PRRC2C: variants seen among roughly 807,000 people sequenced by gnomAD.
PRRC2C encodes the protein protein PRRC2C.
Under a neutral mutation model 317.2 loss-of-function variants are expected in PRRC2C, and 72 were observed. The ratio of observed to expected loss-of-function variants is 0.23; its 90% CI spans 0.19 to 0.28. PRRC2C has a LOEUF of 0.28. Ranked by LOEUF, PRRC2C falls within the 10% of genes least tolerant of loss-of-function variation. PRRC2C has a pLI of 1.00. For synonymous variants in PRRC2C, 1,296 were observed against 1,205.9 expected (o/e 1.07, Z -1.55); for missense variants, 3,074 against 3,459.7 (o/e 0.89, Z 2.80).
rs1650245114 is a variant in PRRC2C at position 171,587,214 on chromosome 1, C to G, written c.7961C>G (p.Thr2654Arg). Reference protein sequence around the residue: ...AGTQHSMIATTGKMSEMELKA... With the variant: ...AGTQHSMIATRGKMSEMELKA... The stretch of plus-strand genomic sequence containing the variant: ...ACACAGCATAGCATGATTGCAACCA[C>G]AGGAAAAGTAAGTAAAGAGACATTT... The change falls in exon 31 of 35, where the codon ACA becomes AGA. Residue 2654 changes from threonine (T) to arginine (R), a missense_variant. Physicochemically the swap from Thr to Arg is moderately conservative, Grantham distance 71. This residue lies in a region of PRRC2C where 490 missense variants were observed against 663.1 expected (regional missense o/e 0.74). Coordinates refer to ENST00000647382, the MANE Select transcript of PRRC2C (RefSeq NM_001387844.1). 6.3e-7 allele frequency: 1 copy of G among 1,597,584 alleles called. No homozygotes were observed. The highest frequency in any genetic ancestry group is 8.5e-7 in the Non-Finnish European group (1 of 1,171,504).
intron 1 of PRRC2C, among the ~76,000 whole-genome samples, chr1:171,508,925 C>A (rs546784017): frequency 6.6e-6 from 1 of 151,514 alleles, no homozygotes; most frequent in Non-Finnish European, 1.5e-5. Flanking sequence ...CTTGCTCTGT[C>A]GCCCAGGCTG....
At chr1:171,577,761 T>A in intron 26 of PRRC2C, 124 bp downstream of exon 26, 1 of 696,136 alleles carries the variant, frequency 1.4e-6, no homozygotes, top group Non-Finnish European at 2.2e-6. Flanking sequence ...CTGTAAATAT[T>A]TAAATTCGCA....
chr1:171,564,641 AC>A (rs1428041029), intron 20 of PRRC2C, among the ~76,000 whole-genome samples: 1 of 152,206 alleles, frequency 6.6e-6, no homozygotes, highest in Non-Finnish European at 1.5e-5. Flanking sequence ...ACTTACACAA[AC>A]CTAGATGGTA....
At chr1:171,570,210 T>G (rs1684514243) in intron 23 of PRRC2C, among the ~76,000 whole-genome samples, 1 of 152,198 alleles carries the variant, frequency 6.6e-6, no homozygotes, top group Non-Finnish European at 1.5e-5. Flanking sequence ...CGAATGTCCT[T>G]CATGGGAAAA....
At chr1:171,589,251 C>A in intron 33 of PRRC2C, 118 bp from the exon 34 acceptor site, 1 of 437,742 alleles carries the variant, frequency 2.3e-6, no homozygotes, top group Non-Finnish European at 3.9e-6. Context: ...CACTTCCTTT[C>A]ACTGGTAGGA....
intron 13 of PRRC2C, 54 bp from the exon 14 acceptor site, chr1:171,535,975 G>A (rs2102454134): frequency 6.5e-7 from 1 of 1,537,034 alleles, no homozygotes; most frequent in Non-Finnish European, 8.8e-7. Context: ...GATTGATTAT[G>A]TTAATTTGTC....
At chr1:171,561,342 A>T (rs1158679408) in intron 20 of PRRC2C, among the ~76,000 whole-genome samples, 2 of 152,048 alleles carry the variant, frequency 1.3e-5, no homozygotes, top group Non-Finnish European at 2.9e-5. Flanking sequence ...AGTCTCAGCT[A>T]CTCTGGAGCT....
chr1:171,552,756 G>A (rs1280989292), intron 18 of PRRC2C, among the ~76,000 whole-genome samples: 1 of 152,014 alleles, frequency 6.6e-6, no homozygotes, highest in African/African-American at 2.4e-5. Flanking sequence ...TTTATGTGAT[G>A]GATAATGTTT....
intron 25 of PRRC2C, among the ~76,000 whole-genome samples, chr1:171,577,072 C>A (rs1685819230): frequency 6.6e-6 from 1 of 152,132 alleles, no homozygotes; most frequent in Non-Finnish European, 1.5e-5. Context: ...TATCTGTGGT[C>A]ATAAGTGAAT....
chr1:171,541,833 C>T lies in PRRC2C; in HGVS notation c.4367C>T (p.Ala1456Val), dbSNP rs375847876. 3.1e-6 allele frequency: 5 copies of T among 1,613,842 alleles called. No homozygotes were observed. Among genetic ancestry groups the T allele is most frequent in the South Asian group, 1.1e-5 (1 of 91,072 alleles). Residue 1456 changes from alanine to valine, a missense_variant, in exon 16 of 35, where the codon GCA becomes GTA. Ala to Val is a moderately conservative substitution (Grantham distance 64). Transcript: ENST00000647382. The surrounding 1 kb of genome is among the most constrained non-coding windows in gnomAD (Gnocchi z 4.1). ...GCTTCAAAATCAAATGAGGTGGTAG[C>T]AGTGCCCACAAATGGCACAGTTAAT... ...EAASKSNEVV[A>V]VPTNGTVNNV...
At chr1:171,494,944 T>G (rs1375313484) in intron 1 of PRRC2C, among the ~76,000 whole-genome samples, 1 of 152,216 alleles carries the variant, frequency 6.6e-6, no homozygotes, top group Non-Finnish European at 1.5e-5. Context: ...ATTTTGTGCT[T>G]TAGCAAAATT....
intron 34 of PRRC2C, 109 bp downstream of exon 34, chr1:171,589,714 C>A: frequency 1.5e-6 from 1 of 677,172 alleles, no homozygotes; most frequent in Non-Finnish European, 2.1e-6. Context: ...TCTTAGCAGA[C>A]TTAACCAAGC....
Position 171,524,919 on chromosome 1 carries a change from C to T in PRRC2C, c.1154C>T (p.Pro385Leu). 1 of 1,611,362 alleles carries T rather than the reference C, an allele frequency of 6.2e-7. No homozygotes were observed. Among genetic ancestry groups the T allele is most frequent in the Non-Finnish European group, 8.5e-7 (1 of 1,178,524 alleles). ...TCATCTTCCCAAATACCTGCCCAACCATCAGTAGCAAAAGTTCCCTATGGG... is the reference window on the plus strand; with the variant it reads ...TCATCTTCCCAAATACCTGCCCAACTATCAGTAGCAAAAGTTCCCTATGGG... ...TKSSSQIPAQ[P>L]SVAKVPYGKG... The change falls in exon 10 of 35, where the codon CCA (proline) becomes CTA (leucine). Residue 385 changes from proline (P) to leucine (L), a missense_variant. By Grantham distance (98) the Pro-to-Leu change is moderately conservative (BLOSUM62 -3). Around this residue, in one of 11 missense-constraint regions of PRRC2C, gnomAD observed 1,320 missense variants for 1,395.7 expected, o/e 0.95. Transcript: ENST00000647382.
intron 12 of PRRC2C, among the ~76,000 whole-genome samples, chr1:171,533,258 A>G (rs1052697216): frequency 6.6e-6 from 1 of 152,166 alleles, no homozygotes; most frequent in African/African-American, 2.4e-5. Flanking sequence ...TGACTCCAAG[A>G]CATTTAACTA....
rs142439552 is a variant in PRRC2C at position 171,516,538 on chromosome 1, G to A, written c.526+679G>A. ...TTTCAAGCGTCATAATGTGGTTGGTGCATTTGTATTAGAAATAGATGTGCT... is the reference window on the plus strand; with the variant it reads ...TTTCAAGCGTCATAATGTGGTTGGTACATTTGTATTAGAAATAGATGTGCT... On this transcript the variant is annotated intron_variant, in intron 5 of 34. Transcript: ENST00000647382. 3.2e-4 allele frequency among the ~76,000 whole-genome samples: 48 copies of A among 152,272 alleles called. No homozygotes were observed. The East Asian group carries it at 6.2e-3, about 20-fold the overall frequency.
chr1:171,586,622 C>T (rs1302541827), intron 30 of PRRC2C, among the ~76,000 whole-genome samples: 1 of 146,626 alleles, frequency 6.8e-6, no homozygotes, highest in Non-Finnish European at 1.5e-5. Context: ...CGCTCTGTCG[C>T]CAGGCTGGAG....
At chr1:171,526,521 A>G (rs1399669614) in intron 10 of PRRC2C, among the ~76,000 whole-genome samples, 2 of 152,094 alleles carry the variant, frequency 1.3e-5, no homozygotes, top group African/African-American at 4.8e-5. Flanking sequence ...TATTTTTAAT[A>G]GGGCTGGGGT....
chr1:171,515,712 G>A, intron 4 of PRRC2C, 22 bp from the exon 5 acceptor site: 1 of 1,555,234 alleles, frequency 6.4e-7, no homozygotes, highest in Non-Finnish European at 8.7e-7. Context: ...TACCTTTAAT[G>A]TTTTTTTAAA....
Position 171,577,538 on chromosome 1 carries a change from C to G in PRRC2C, c.7060C>G (p.Leu2354Val), listed in dbSNP as rs1647294632. The change falls in exon 26 of 35, where the codon CTG (leucine) becomes GTG (valine). Residue 2354 changes from leucine (L) to valine (V), a missense_variant. Leu to Val is a conservative substitution (Grantham distance 32, BLOSUM62 1). This residue lies in a region of PRRC2C where 490 missense variants were observed against 663.1 expected (regional missense o/e 0.74). Coordinates refer to ENST00000647382, the MANE Select transcript of PRRC2C (RefSeq NM_001387844.1). The part of the protein sequence containing the change: ...VKPQQLQTSS[L>V]PSASHFSQLS... Reference sequence around the variant, plus strand: ...ACCTCAGCAGTTACAGACAAGCAGCCTGCCTTCTGCAAGTCATTTTTCACA... The same window carrying G: ...ACCTCAGCAGTTACAGACAAGCAGCGTGCCTTCTGCAAGTCATTTTTCACA... The G allele has an allele frequency of 6.2e-7, 1 of 1,613,406 alleles. No individual in the cohort carries two copies. The highest frequency in any genetic ancestry group is 8.5e-7 in the Non-Finnish European group (1 of 1,179,400).
Sources: gnomAD v4.1 joint callset for allele counts (sites outside exome capture counted in the v4.1 genomes callset) on GRCh38, gnomAD v4.1.1 for gene constraint, gnomAD v4.1.1 regional missense constraint, Gnocchi (gnomAD v3.1) non-coding constraint, MANE v1.5 for transcripts, NCBI Gene and HGNC (gene_info 2026-07-23, HGNC 2026-07-21) for gene names.